Variants in ANKRD27 observed in about 807,000 individuals in gnomAD.
ANKRD27 encodes ankyrin repeat domain-containing protein 27.
In ANKRD27, 112 loss-of-function variants were observed where a neutral mutation model predicts 129.7. That is an observed-to-expected ratio of 0.86 (90% CI 0.74 to 1.01). The LOEUF (loss-of-function observed/expected upper bound fraction) is 1.01, where lower values mean the gene tolerates loss of function less well. ANKRD27 is among the 50% of genes least tolerant of loss of function. ANKRD27 has a pLI of 0.00. For synonymous variants in ANKRD27, 516 were observed against 511.2 expected (o/e 1.01, Z -0.13); for missense variants, 1,258 against 1,300.5 (o/e 0.97, Z 0.50).
rs75497917 is a variant in ANKRD27 at position 32,641,398 on chromosome 19, A to G, written c.904+626T>C. On this transcript the variant is annotated intron_variant, in intron 10 of 28. Coordinates refer to ENST00000306065, the MANE Select transcript of ANKRD27 (RefSeq NM_032139.3). ...CTAAGGTCACTTCCATTTTATAGACATGGAGTCCACTGCCCATGTGGAGTT... is the reference window on the plus strand; with the variant it reads ...CTAAGGTCACTTCCATTTTATAGACGTGGAGTCCACTGCCCATGTGGAGTT... Among the ~76,000 whole-genome samples, 22 of 152,272 alleles carry G rather than the reference A, an allele frequency of 1.4e-4. No homozygotes were observed. The East Asian group carries it at 4.2e-3, about 29-fold the overall frequency.
intron 22 of ANKRD27, among the ~76,000 whole-genome samples, chr19:32,614,218 A>C (rs1469395628): frequency 6.6e-6 from 1 of 152,140 alleles, no homozygotes; most frequent in Non-Finnish European, 1.5e-5. Context: ...ACATCTGTAA[A>C]AGCTCACCAA....
rs759529512 is a variant in ANKRD27, at chr19:32,643,621, T to C, written c.536A>G (p.Asn179Ser). 7 of 1,613,908 alleles carry C rather than the reference T, an allele frequency of 4.3e-6. No homozygotes were observed. Among genetic ancestry groups the C allele is most frequent in the Admixed American group, 1.7e-5 (1 of 59,986 alleles). ...KSLRHHIDSA[N>S]ALYTKCLQQL... The stretch of plus-strand genomic sequence containing the variant: ...CTGGAGGCATTTGGTGTAGAGAGCA[T>C]TCGCTGAGTCCTAAACCACATAGAG... The change falls in exon 6 of 29, where the codon AAT becomes AGT. Residue 179 changes from asparagine (N) to serine (S), a missense_variant. By Grantham distance (46) the Asn-to-Ser change is conservative (BLOSUM62 1). Coordinates refer to ENST00000306065, the MANE Select transcript of ANKRD27 (RefSeq NM_032139.3).
Position 32,597,870 on chromosome 19 carries a change from A to C in ANKRD27, c.*275T>G, listed in dbSNP as rs1003067237. 2.0e-6 allele frequency: 1 copy of C among 488,694 alleles called. No individual in the cohort carries two copies. The highest frequency in any genetic ancestry group is 3.3e-5 in the Admixed American group (1 of 29,990). 30.3% of individuals were successfully genotyped at this position (488,694 alleles called of 1,614,324 possible). A position where few individuals can be genotyped will look rare whatever the true frequency, so the allele number is the denominator to read the frequency against. On this transcript the variant is annotated 3_prime_UTR_variant, in exon 29 of 29. Coordinates refer to ENST00000306065, the MANE Select transcript of ANKRD27 (RefSeq NM_032139.3). ...TGACCAACAAACCCTCATACTTAAA[A>C]AGAAGCATGCACCTCTGGCTTAAGG...
At chr19:32,639,093 C>T (rs1313918221) in intron 12 of ANKRD27, 1 of 464,488 alleles carries the variant, frequency 2.2e-6, no homozygotes, top group Admixed American at 3.9e-5. Flanking sequence ...TTTGCACCCA[C>T]ATGTCTTTGG....
chr19:32,606,138 T>C (rs1971731457), intron 23 of ANKRD27, among the ~76,000 whole-genome samples, 184 bp from the exon 24 acceptor site: 1 of 145,524 alleles, frequency 6.9e-6, no homozygotes. Flanking sequence ...GTTGTTCTTT[T>C]TGGTTTTTCT....
chr19:32,642,472 G>T (rs1243069047), intron 9 of ANKRD27, among the ~76,000 whole-genome samples: 2 of 152,190 alleles, frequency 1.3e-5, no homozygotes, highest in Non-Finnish European at 2.9e-5. Flanking sequence ...CGGCGCAGTG[G>T]CTCACGCCTG....
intron 12 of ANKRD27, among the ~76,000 whole-genome samples, chr19:32,631,773 G>C (rs1156704521): frequency 6.6e-6 from 1 of 152,198 alleles, no homozygotes; most frequent in African/African-American, 2.4e-5. Flanking sequence ...CTCCAGCGTG[G>C]AATGCGGCGC....
intron 3 of ANKRD27, among the ~76,000 whole-genome samples, chr19:32,648,949 A>G (rs966305720): frequency 8.1e-5 from 12 of 148,286 alleles, no homozygotes; most frequent in Non-Finnish European, 1.5e-4. Context: ...TCAAAACAAA[A>G]AGATTGTTTT....
intron 2 of ANKRD27, among the ~76,000 whole-genome samples, chr19:32,652,147 T>C (rs1371942884): frequency 1.3e-5 from 2 of 152,242 alleles, no homozygotes; most frequent in Non-Finnish European, 2.9e-5. Context: ...TGTGGAGTTT[T>C]TACTGCTGGC....
intron 16 of ANKRD27, 120 bp from the exon 17 acceptor site, chr19:32,626,086 C>T: frequency 1.5e-6 from 1 of 664,980 alleles, no homozygotes; most frequent in Non-Finnish European, 2.4e-6. Flanking sequence ...TGCTACTATT[C>T]AAATTAAACC....
intron 12 of ANKRD27, chr19:32,636,366 A>T (rs1039393255): frequency 6.5e-5 from 10 of 154,692 alleles, no homozygotes; most frequent in African/African-American, 2.4e-4. Context: ...AACGACAGAG[A>T]GGGGAGACCC....
chr19:32,605,958 G>C lies in ANKRD27; in HGVS notation c.2374-4C>G. On this transcript the variant is annotated splice_region_variant and splice_polypyrimidine_tract_variant and intron_variant, in intron 23 of 28. Coordinates refer to ENST00000306065, the MANE Select transcript of ANKRD27 (RefSeq NM_032139.3). ...AATCTAACAGACACTTCACCACCTGGGCCAGAGAAGGAAAACGTGCAAACT... is the reference window on the plus strand; with the variant it reads ...AATCTAACAGACACTTCACCACCTGCGCCAGAGAAGGAAAACGTGCAAACT... The C allele has an allele frequency of 6.2e-7, 1 of 1,611,090 alleles. No homozygotes were observed. The highest frequency in any genetic ancestry group is 8.5e-7 in the Non-Finnish European group (1 of 1,178,706).
chr19:32,610,656 G>A (rs1971821779), intron 22 of ANKRD27, among the ~76,000 whole-genome samples: 1 of 152,076 alleles, frequency 6.6e-6, no homozygotes, highest in Admixed American at 6.6e-5. Context: ...GCCAGGTGTG[G>A]CGGCATGCAC....
At chr19:32,650,665 A>G (rs1391588045) in intron 2 of ANKRD27, among the ~76,000 whole-genome samples, 1 of 151,258 alleles carries the variant, frequency 6.6e-6, no homozygotes, top group Non-Finnish European at 1.5e-5. Flanking sequence ...GCTGCAGAGC[A>G]AGACTCTGTC....
chr19:32,600,665 G>A (rs1971638203), intron 26 of ANKRD27, among the ~76,000 whole-genome samples: 2 of 152,068 alleles, frequency 1.3e-5, no homozygotes, highest in African/African-American at 2.4e-5. Context: ...CCAAAACACT[G>A]CTGGTCCCAA....
rs1971584089 is a variant in ANKRD27 at position 32,597,255 on chromosome 19, A to C, written c.*890T>G. On this transcript the variant is annotated 3_prime_UTR_variant, in exon 29 of 29. Transcript: ENST00000306065. Reference sequence around the variant, plus strand: ...ACATAAAAATAACAGTATAATCTATAGAAATTTATAAAAAGGAATAAATGG... The same window carrying C: ...ACATAAAAATAACAGTATAATCTATCGAAATTTATAAAAAGGAATAAATGG... 6.6e-6 allele frequency: 1 copy of C among 152,656 alleles called. No individual in the cohort carries two copies. The highest frequency in any genetic ancestry group is 1.5e-5 in the Non-Finnish European group (1 of 68,034). 9.5% of individuals were successfully genotyped at this position (152,656 alleles called of 1,614,324 possible).
In ANKRD27 at chr19:32,642,092, G is replaced by A. The variant is rs1339671323; in HGVS notation, c.836C>T (p.Ser279Phe). The change falls in exon 10 of 29, where the codon TCC (serine) becomes TTC (phenylalanine). Residue 279 changes from serine (S) to phenylalanine (F), a missense_variant. Coordinates refer to ENST00000306065, the MANE Select transcript of ANKRD27 (RefSeq NM_032139.3). ...RELAQLNKCT[S>F]PQQKLVCLRK... ...CAAGCAGACAAGCTTCTGCTGTGGG[G>A]AGGTGCATTTGTTCAGCTGAGCCAG... The A allele has an allele frequency of 1.9e-6, 3 of 1,611,362 alleles. No individual in the cohort carries two copies. The highest frequency in any genetic ancestry group is 1.7e-6 in the Non-Finnish European group (2 of 1,178,046).
At position 32,597,231 on chromosome 19, in the gene ANKRD27, CATAAAA is replaced by C. The variant is rs1971583313; in HGVS notation, c.*908_*913del. ...TATACGTGTAGCTCTAGGCCAATAACATAAAAATAACAGTATAATCTATAGAAATTT... is the reference window on the plus strand; with the variant it reads ...TATACGTGTAGCTCTAGGCCAATAACATAACAGTATAATCTATAGAAATTT... On this transcript the variant is annotated 3_prime_UTR_variant, in exon 29 of 29. Coordinates refer to ENST00000306065, the MANE Select transcript of ANKRD27 (RefSeq NM_032139.3). 1 of 152,480 alleles carries C rather than the reference CATAAAA, an allele frequency of 6.6e-6. No homozygotes were observed. The highest frequency in any genetic ancestry group is 2.4e-5 in the African/African-American group (1 of 41,408). The allele number at this position is 152,480 out of a possible 1,614,324, so 9.4% of individuals were successfully genotyped here.
chr19:32,605,785 CCT>C, intron 24 of ANKRD27, 48 bp downstream of exon 24: 1 of 1,602,514 alleles, frequency 6.2e-7, no homozygotes, highest in Non-Finnish European at 8.5e-7. Context: ...GTGGAGGCGC[CCT>C]GTTAACTGGC....
Sources: gnomAD v4.1 joint callset for allele counts (sites outside exome capture counted in the v4.1 genomes callset) on GRCh38, gnomAD v4.1.1 for gene constraint, MANE v1.5 for transcripts, NCBI Gene and HGNC (gene_info 2026-07-23, HGNC 2026-07-21) for gene names.